The following TRPM6 variants were observed in gnomAD, a reference collection of about 807,000 sequenced individuals.
The protein encoded by TRPM6 is channel kinase 2.
TRPM6 carries 111 observed loss-of-function variants against 247.6 expected under a neutral mutation model. The observed-to-expected ratio is 0.45, with a 90% CI of 0.38 to 0.52. The LOEUF (loss-of-function observed/expected upper bound fraction) is 0.52, where lower values mean the gene tolerates loss of function less well. Ranked by LOEUF, TRPM6 falls within the 20% of genes least tolerant of loss-of-function variation. The pLI, the probability that TRPM6 is intolerant of heterozygous loss-of-function variation, is 0.00. For missense variants in TRPM6, 2,126 were observed against 2,421.5 expected, an observed-to-expected ratio of 0.88 and a Z score of 2.56; for synonymous variants, 892 against 853.8, an observed-to-expected ratio of 1.04 and a Z score of -0.78.
chr9:74,810,922 G>A (rs1828708625), intron 12 of TRPM6, 54 bp from the exon 13 acceptor site: 1 of 1,472,088 alleles, frequency 6.8e-7, no homozygotes, highest in Non-Finnish European at 9.5e-7. Flanking sequence ...ATGTGCTGGG[G>A]GGTAAAACCT....
intron 33 of TRPM6, 55 bp from the exon 34 acceptor site, chr9:74,740,064 G>GGC: frequency 6.3e-7 from 1 of 1,581,084 alleles, no homozygotes; most frequent in Non-Finnish European, 8.6e-7. Context: ...TCTGTGACAT[G>GGC]AATAGTATCC....
chr9:74,763,220 T>C (rs993906356), intron 25 of TRPM6, 86 bp from the exon 26 acceptor site: 10 of 1,346,510 alleles, frequency 7.4e-6, no homozygotes, highest in African/African-American at 1.4e-5. Context: ...CATCCTTAAA[T>C]GGCTCCTGAG....
intron 37 of TRPM6, among the ~76,000 whole-genome samples, chr9:74,729,647 T>C (rs1371657169): frequency 6.6e-6 from 1 of 152,184 alleles, no homozygotes; most frequent in Non-Finnish European, 1.5e-5. Context: ...TTTGTGTCCA[T>C]CTGGTAAGGA....
intron 7 of TRPM6, among the ~76,000 whole-genome samples, chr9:74,824,922 G>A (rs999135284): frequency 6.6e-6 from 1 of 151,886 alleles, no homozygotes; most frequent in African/African-American, 2.4e-5. Context: ...AACAACAAGG[G>A]TTTGCCAGAG....
chr9:74,781,315 C>T (rs1159703879), intron 23 of TRPM6, among the ~76,000 whole-genome samples: 1 of 151,892 alleles, frequency 6.6e-6, no homozygotes, highest in African/African-American at 2.4e-5. Context: ...GCAGGTGGAT[C>T]ACTTGAGGTC....
chr9:74,749,467 G>T (rs1373025349), intron 30 of TRPM6, among the ~76,000 whole-genome samples: 2 of 152,078 alleles, frequency 1.3e-5, no homozygotes, highest in Non-Finnish European at 2.9e-5. Context: ...TGTTCTTCTG[G>T]ATCAATTAAA....
rs758039973 is a variant in TRPM6 at position 74,808,027 on chromosome 9, A to G, written c.1638+7T>C. 3.1e-6 allele frequency: 5 copies of G among 1,613,486 alleles called. No homozygotes were observed. In the East Asian group the frequency reaches 1.1e-4, roughly 36 times the overall value. Reference sequence around the variant, plus strand: ...AATTTTACTTGGGCACTTTTCAATTACTCTACCTTGTATTTTCTGTAGAGG... The same window carrying G: ...AATTTTACTTGGGCACTTTTCAATTGCTCTACCTTGTATTTTCTGTAGAGG... On this transcript the variant is annotated splice_region_variant and intron_variant, in intron 14 of 38. Transcript: ENST00000360774.
At chr9:74,864,869 C>T (rs1484680536) in intron 1 of TRPM6, among the ~76,000 whole-genome samples, 4 of 152,060 alleles carry the variant, frequency 2.6e-5, no homozygotes, top group East Asian at 3.9e-4. Context: ...GTCAGGAGTT[C>T]GAGACCAGCC....
chr9:74,881,672 A>G lies in TRPM6; in HGVS notation c.33+6152T>C, dbSNP rs1587611639. 2.0e-5 allele frequency among the ~76,000 whole-genome samples: 3 copies of G among 152,350 alleles called. 1 individual carries two copies. On this transcript the variant is annotated intron_variant, in intron 1 of 38. Transcript: ENST00000360774. ...TGTGGAACATTCTCCAGAATAGACTATATGGTAAAACACAAAACACATCTC... is the reference window on the plus strand; with the variant it reads ...TGTGGAACATTCTCCAGAATAGACTGTATGGTAAAACACAAAACACATCTC...
At chr9:74,726,538 A>T (rs1018383191) in intron 38 of TRPM6, among the ~76,000 whole-genome samples, 1 of 152,070 alleles carries the variant, frequency 6.6e-6, no homozygotes, top group African/African-American at 2.4e-5. Context: ...AACAAAAAAC[A>T]CCTACCAGTG....
rs1166885631 is a variant in TRPM6 at position 74,821,676 on chromosome 9, C to G, written c.1003G>C (p.Asp335His). ...GAAGAGCCAACAACTCACCCTTCAT[C>G]TGCCAGGTGTTTGTGTGTGAAGGCC... ...LLAFTHKHLA[D>H]EGMLRPQVKE... Residue 335 changes from aspartate to histidine, a missense_variant, in exon 8 of 39, where the codon GAT becomes CAT. Around this residue, in one of 3 missense-constraint regions of TRPM6, gnomAD observed 1,082 missense variants for 1,307.9 expected, o/e 0.83. Transcript: ENST00000360774. 1 of 1,614,216 alleles carries G rather than the reference C, an allele frequency of 6.2e-7. No individual in the cohort carries two copies. The highest frequency in any genetic ancestry group is 1.7e-5 in the Admixed American group (1 of 60,024).
At chr9:74,785,827 A>G in intron 21 of TRPM6, 47 bp downstream of exon 21, 1 of 1,612,342 alleles carries the variant, frequency 6.2e-7, no homozygotes, top group Non-Finnish European at 8.5e-7. Context: ...CTGGCTAAAA[A>G]TAATTTTAAA....
intron 36 of TRPM6, among the ~76,000 whole-genome samples, chr9:74,737,917 C>T (rs1825745374): frequency 6.6e-6 from 1 of 152,138 alleles, no homozygotes; most frequent in Non-Finnish European, 1.5e-5. Flanking sequence ...CAAAGGCTTC[C>T]ATTAAATAAG....
rs4013871 is a variant in TRPM6 at position 74,884,504 on chromosome 9, T to TATACATACATAC, written c.33+3308_33+3319dup. Reference sequence around the variant, plus strand: ...ACTCTGTCTCAAAAATAAATACATATATACATACATACATACATACATACA... The same window carrying TATACATACATAC: ...ACTCTGTCTCAAAAATAAATACATATATACATACATACATACATACATACATACATACATACA... On this transcript the variant is annotated intron_variant, in intron 1 of 38. Transcript: ENST00000360774. 5.6e-3 allele frequency among the ~76,000 whole-genome samples: 834 copies of TATACATACATAC among 148,088 alleles called. 3 individuals carry two copies. The highest frequency in any genetic ancestry group is 0.017 in the Middle Eastern group (5 of 286).
intron 24 of TRPM6, among the ~76,000 whole-genome samples, chr9:74,774,239 A>G (rs1425130523): frequency 6.6e-6 from 1 of 152,170 alleles, no homozygotes; most frequent in East Asian, 1.9e-4. Flanking sequence ...ACCAAGGTGA[A>G]CCCAGGAAAC....
chr9:74,759,111 A>G (rs1168319923), intron 27 of TRPM6, among the ~76,000 whole-genome samples: 1 of 152,172 alleles, frequency 6.6e-6, no homozygotes, highest in Non-Finnish European at 1.5e-5. Context: ...CAAGAAGTCA[A>G]AGAAGACCTA....
intron 25 of TRPM6, among the ~76,000 whole-genome samples, chr9:74,766,186 A>G (rs1826819699): frequency 6.6e-6 from 1 of 152,240 alleles, no homozygotes; most frequent in South Asian, 2.1e-4. Flanking sequence ...GCCACAGGTA[A>G]CATGCTACAA....
rs745453836 is a variant in TRPM6, at chr9:74,803,855, T to C, written c.1670A>G (p.Glu557Gly). ...GGAGTGCAGCGTACTTTCTGCAGAC[T>C]CATTTCTATTTCCTGAGGAGTGTCT... ...HQRHSSGNRN[E>G]SAESTLHSQF... Residue 557 changes from glutamate to glycine, a missense_variant, in exon 15 of 39, where the codon GAG becomes GGG. Physicochemically the swap from Glu to Gly is moderately conservative, Grantham distance 98 (BLOSUM62 -2). Coordinates refer to ENST00000360774, the MANE Select transcript of TRPM6 (RefSeq NM_017662.5). 1.1e-5 allele frequency: 17 copies of C among 1,613,584 alleles called. No individual in the cohort carries two copies. The South Asian group carries it at 1.6e-4, about 16-fold the overall frequency.
At chr9:74,754,341 T>TA (rs1224151171) in intron 28 of TRPM6, among the ~76,000 whole-genome samples, 1 of 152,174 alleles carries the variant, frequency 6.6e-6, no homozygotes, top group Admixed American at 6.5e-5. Flanking sequence ...TTTTTAAACA[T>TA]AAAATCAGGG....
Sources: gnomAD v4.1 joint callset for allele counts (sites outside exome capture counted in the v4.1 genomes callset) on GRCh38, gnomAD v4.1.1 for gene constraint, gnomAD v4.1.1 regional missense constraint, MANE v1.5 for transcripts, NCBI Gene and HGNC (gene_info 2026-07-23, HGNC 2026-07-21) for gene names.